The following SPIDR variants were observed in gnomAD, a reference collection of about 807,000 sequenced individuals.
SPIDR encodes DNA repair-scaffolding protein.
In SPIDR, 93 loss-of-function variants were observed where a neutral mutation model predicts 104.6. That is an observed-to-expected ratio of 0.89 (90% CI 0.75 to 1.06). The LOEUF is 1.06. SPIDR is among the 50% of genes least tolerant of loss of function. The pLI is 0.00. For synonymous variants in SPIDR, 431 were observed against 416.9 expected (o/e 1.03, Z -0.41); for missense variants, 1,154 against 1,111.2 (o/e 1.04, Z -0.55).
intron 5 of SPIDR, among the ~76,000 whole-genome samples, chr8:47,313,594 C>T (rs944554277): frequency 6.6e-6 from 1 of 152,160 alleles, no homozygotes; most frequent in East Asian, 1.9e-4. Flanking sequence ...AAAAAGAGCC[C>T]GCATTGCCGA....
intron 7 of SPIDR, among the ~76,000 whole-genome samples, chr8:47,410,766 G>A (rs1017274995): frequency 2.0e-5 from 3 of 152,044 alleles, no homozygotes; most frequent in Admixed American, 6.5e-5. Flanking sequence ...CCATTAACTC[G>A]TCATTTAGCA....
chr8:47,261,384 C>G (rs1201503233), intron 1 of SPIDR, among the ~76,000 whole-genome samples: 1 of 152,220 alleles, frequency 6.6e-6, no homozygotes, highest in African/African-American at 2.4e-5. Flanking sequence ...GGATAATCCA[C>G]TGTCAACTCT....
At chr8:47,453,398 C>T (rs2072272184) in intron 8 of SPIDR, among the ~76,000 whole-genome samples, 2 of 152,184 alleles carry the variant, frequency 1.3e-5, no homozygotes, top group South Asian at 2.1e-4. Flanking sequence ...GAGGGGAGCC[C>T]GCATTGCCAA....
chr8:47,531,026 T>C (rs1243326866), intron 8 of SPIDR, among the ~76,000 whole-genome samples: 2 of 152,032 alleles, frequency 1.3e-5, no homozygotes, highest in African/African-American at 4.8e-5. Flanking sequence ...CCCTCCCACT[T>C]AAGCATTCCA....
intron 8 of SPIDR, among the ~76,000 whole-genome samples, chr8:47,450,493 G>A (rs879980969): frequency 1.2e-4 from 18 of 152,072 alleles, no homozygotes; most frequent in Non-Finnish European, 2.4e-4. Flanking sequence ...ACTATAGCAG[G>A]GTGTTCATAG....
chr8:47,331,965 C>CTTTTTTTTTTTTTTTTT (rs1183447584), intron 5 of SPIDR, among the ~76,000 whole-genome samples: 17 of 32,714 alleles, frequency 5.2e-4, no homozygotes, highest in Non-Finnish European at 8.0e-4. Context: ...TTTTTTTAAA[C>CTTTTTTTTTTTTTTTTT]TTTTTTTTTT....
intron 5 of SPIDR, among the ~76,000 whole-genome samples, chr8:47,321,929 T>C (rs1277613338): frequency 1.3e-5 from 2 of 152,172 alleles, no homozygotes; most frequent in East Asian, 3.9e-4. Flanking sequence ...CCTTACACCT[T>C]ATACTAAAAT....
chr8:47,735,807 GTTT>G lies in SPIDR; in HGVS notation c.*360_*362del, dbSNP rs1406275325. On this transcript the variant is annotated 3_prime_UTR_variant, in exon 20 of 20. Transcript: ENST00000297423. ...TGAACATTTTACCATGATTGAACAT[GTTT>G]TTATTACAGTATTTAACATTCCCCC... The G allele has an allele frequency of 1.6e-5, 7 of 444,166 alleles. No homozygotes were observed. The highest frequency in any genetic ancestry group is 8.2e-5 in the Admixed American group (2 of 24,258). 27.5% of individuals were successfully genotyped at this position (444,166 alleles called of 1,614,324 possible).
intron 5 of SPIDR, among the ~76,000 whole-genome samples, chr8:47,312,450 T>C (rs1303113204): frequency 1.6e-4 from 24 of 152,330 alleles, no homozygotes; most frequent in African/African-American, 4.6e-4. Flanking sequence ...TGGTTTTGAT[T>C]TGCATTTCTC....
At chr8:47,602,020 C>T (rs1381113393) in intron 10 of SPIDR, among the ~76,000 whole-genome samples, 2 of 152,150 alleles carry the variant, frequency 1.3e-5, no homozygotes, top group Admixed American at 1.3e-4. Flanking sequence ...TAATTCTTTG[C>T]TAATATATTT....
chr8:47,328,561 A>AT (rs551418814), intron 5 of SPIDR, among the ~76,000 whole-genome samples: 91 of 151,862 alleles, frequency 6.0e-4, no homozygotes, highest in African/African-American at 2.0e-3. Context: ...TACCAACTTC[A>AT]TTTTTTTGAA....
At chr8:47,315,202 T>G (rs2154257970) in intron 5 of SPIDR, among the ~76,000 whole-genome samples, 1 of 152,234 alleles carries the variant, frequency 6.6e-6, no homozygotes, top group African/African-American at 2.4e-5. Context: ...GTAAAAATAC[T>G]TCAGCCACCT....
At chr8:47,390,228 G>A (rs1038315140) in intron 5 of SPIDR, among the ~76,000 whole-genome samples, 1 of 152,144 alleles carries the variant, frequency 6.6e-6, no homozygotes, top group Non-Finnish European at 1.5e-5. Context: ...CAGTGTAGTT[G>A]AGAATGGACT....
intron 5 of SPIDR, among the ~76,000 whole-genome samples, chr8:47,332,752 G>A (rs1384701230): frequency 2.0e-5 from 1 of 49,542 alleles, no homozygotes; most frequent in African/African-American, 9.6e-5. Context: ...GATGGCCAGT[G>A]ATGATGAGCA....
At chr8:47,629,244 T>C (rs1307702022) in intron 10 of SPIDR, among the ~76,000 whole-genome samples, 1 of 152,168 alleles carries the variant, frequency 6.6e-6, no homozygotes, top group Non-Finnish European at 1.5e-5. Context: ...GATTGTTTAG[T>C]AGATTAAGTG....
chr8:47,656,737 G>A (rs996153605), intron 10 of SPIDR, among the ~76,000 whole-genome samples: 2 of 152,130 alleles, frequency 1.3e-5, no homozygotes, highest in Non-Finnish European at 2.9e-5. Context: ...TACTCACAAT[G>A]CAAAAATGTC....
chr8:47,276,354 G>A (rs1211656752), intron 1 of SPIDR, among the ~76,000 whole-genome samples: 3 of 152,150 alleles, frequency 2.0e-5, no homozygotes, highest in Non-Finnish European at 4.4e-5. Flanking sequence ...GGAAAAAAGC[G>A]AAACCTACTT....
chr8:47,563,860 G>A lies in SPIDR; in HGVS notation c.1098-31951G>A, dbSNP rs79451785. Among the ~76,000 whole-genome samples, 1,473 of 152,120 alleles carry A rather than the reference G, an allele frequency of 9.7e-3. 22 individuals are homozygous for A. The highest frequency in any genetic ancestry group is 0.034 in the African/African-American group (1,398 of 41,482). ...GAATAATTTTTTAGTTGCTCTTGTT[G>A]GAAGTAAGAGAGAGGAAATGTCTAT... On this transcript the variant is annotated intron_variant, in intron 8 of 19. Coordinates refer to ENST00000297423, the MANE Select transcript of SPIDR (RefSeq NM_001080394.4).
intron 10 of SPIDR, among the ~76,000 whole-genome samples, chr8:47,604,480 A>G (rs2062698816): frequency 6.6e-6 from 1 of 152,200 alleles, no homozygotes; most frequent in African/African-American, 2.4e-5. Context: ...AGATGGGCAC[A>G]TGGGGCAGGG....
Sources: allele counts gnomAD v4.1 joint callset (sites outside exome capture counted in the v4.1 genomes callset), GRCh38; gene constraint gnomAD v4.1.1; transcripts MANE v1.5; gene names NCBI Gene and HGNC (gene_info 2026-07-23, HGNC 2026-07-21).